Variants in FER observed in about 807,000 individuals in gnomAD.
The protein encoded by FER is FER tyrosine kinase.
FER carries 63 observed loss-of-function variants against 111.0 expected under a neutral mutation model. The ratio of observed to expected loss-of-function variants is 0.57; its 90% confidence interval spans 0.46 to 0.70. The LOEUF is 0.70. Ranked by LOEUF, FER falls within the 30% of genes least tolerant of loss-of-function variation. The pLI, the probability that FER is intolerant of heterozygous loss-of-function variation, is 0.00. For synonymous variants in FER, 327 were observed against 313.9 expected (o/e 1.04, Z -0.44); for missense variants, 914 against 954.0 (o/e 0.96, Z 0.55).
chr5:108,845,802 C>T (rs1761973707), intron 5 of FER, among the ~76,000 whole-genome samples: 1 of 152,162 alleles, frequency 6.6e-6, no homozygotes, highest in African/African-American at 2.4e-5. Context: ...TAATTTTTCT[C>T]TATTCCTGTG....
chr5:109,017,653 G>T (rs1767344714), intron 13 of FER, among the ~76,000 whole-genome samples: 1 of 151,774 alleles, frequency 6.6e-6, no homozygotes, highest in Non-Finnish European at 1.5e-5. Flanking sequence ...CTTTTATTTT[G>T]TTGACTAGTT....
intron 17 of FER, among the ~76,000 whole-genome samples, chr5:109,129,504 A>G (rs1294262398): frequency 1.3e-5 from 2 of 151,976 alleles, no homozygotes; most frequent in African/African-American, 4.8e-5. Context: ...ACTGCTTTCT[A>G]CTTCCATATA....
chr5:108,811,775 T>G (rs140533267), intron 3 of FER, among the ~76,000 whole-genome samples: 12 of 152,032 alleles, frequency 7.9e-5, no homozygotes, highest in Admixed American at 5.9e-4. Context: ...AATCCCAGAG[T>G]AAGAAGGCCC....
At chr5:108,887,037 A>G (rs1747280898) in intron 9 of FER, among the ~76,000 whole-genome samples, 1 of 151,678 alleles carries the variant, frequency 6.6e-6, no homozygotes, top group African/African-American at 2.4e-5. Flanking sequence ...AAATATGCAT[A>G]TATAATTAAA....
In FER at chr5:109,191,815, AT is replaced by A. The variant is rs1301870426; in HGVS notation, c.*4241del. 1 of 152,118 alleles carries A rather than the reference AT, an allele frequency of 6.6e-6. No homozygotes were observed. Among genetic ancestry groups the A allele is most frequent in the Non-Finnish European group, 1.5e-5 (1 of 68,012 alleles). 9.4% of individuals were successfully genotyped at this position (152,118 alleles called of 1,614,324 possible). Reference sequence around the variant, plus strand: ...AGTCTGAATACTATATTTTGGAAGAATCCAAAACCACATATGAAGATACTGA... The same window carrying A: ...AGTCTGAATACTATATTTTGGAAGAACCAAAACCACATATGAAGATACTGA... On this transcript the variant is annotated 3_prime_UTR_variant, in exon 20 of 20. Coordinates refer to ENST00000281092, the MANE Select transcript of FER (RefSeq NM_005246.4).
chr5:109,048,161 C>CAAAA (rs1772268006), intron 16 of FER, among the ~76,000 whole-genome samples: 1 of 151,900 alleles, frequency 6.6e-6, no homozygotes, highest in East Asian at 1.9e-4. Context: ...GTAGACTGCT[C>CAAAA]ATTAATTTCT....
intron 17 of FER, among the ~76,000 whole-genome samples, chr5:109,161,692 C>T (rs531654055): frequency 6.6e-6 from 1 of 152,124 alleles, no homozygotes; most frequent in Non-Finnish European, 1.5e-5. Context: ...AATAGTGAGG[C>T]AGTGAATATA....
chr5:109,164,333 A>G lies in FER; in HGVS notation c.2049-16414A>G, dbSNP rs569240642. Among the ~76,000 whole-genome samples the G allele has an allele frequency of 3.9e-5, 6 of 152,304 alleles. No homozygotes were observed. The South Asian group carries it at 6.2e-4, about 16-fold the overall frequency. ...TGAATGACCCTGTCTTCCATTAGTG[A>G]TAGTATTAAGATAGTCCAAGGTGGC... On this transcript the variant is annotated intron_variant, in intron 17 of 19. Transcript: ENST00000281092.
At chr5:108,919,982 G>T (rs1434710819) in intron 10 of FER, among the ~76,000 whole-genome samples, 1 of 152,070 alleles carries the variant, frequency 6.6e-6, no homozygotes, top group Admixed American at 6.5e-5. Flanking sequence ...TTAGTACAGT[G>T]CCTGGTATAT....
At chr5:109,032,109 G>T (rs765609782) in intron 13 of FER, among the ~76,000 whole-genome samples, 2 of 152,044 alleles carry the variant, frequency 1.3e-5, no homozygotes, top group Non-Finnish European at 2.9e-5. Context: ...CTCTACCAGC[G>T]TAGTTAATAC....
chr5:109,120,947 A>G (rs1330692666), intron 17 of FER, among the ~76,000 whole-genome samples: 1 of 152,016 alleles, frequency 6.6e-6, no homozygotes, highest in Admixed American at 6.6e-5. Flanking sequence ...TTGATTTTGT[A>G]TCCCATAACT....
chr5:108,879,370 A>G (rs1424423740), intron 8 of FER, among the ~76,000 whole-genome samples: 1 of 151,922 alleles, frequency 6.6e-6, no homozygotes, highest in African/African-American at 2.4e-5. Context: ...TGCATTAACT[A>G]TATATCCTAA....
At chr5:108,884,041 T>C (rs1765934187) in intron 9 of FER, among the ~76,000 whole-genome samples, 1 of 152,056 alleles carries the variant, frequency 6.6e-6, no homozygotes, top group South Asian at 2.1e-4. Flanking sequence ...TGGTATACTC[T>C]TCTTTTACTG....
chr5:108,763,701 C>G (rs1160671120), intron 1 of FER, among the ~76,000 whole-genome samples: 3 of 152,124 alleles, frequency 2.0e-5, no homozygotes, highest in Admixed American at 6.6e-5. Context: ...GTCTGTTATG[C>G]AAATATCCAT....
In FER at chr5:109,192,762, A is replaced by G. The variant is rs1189288930; in HGVS notation, c.*5187A>G. 1 of 152,154 alleles carries G rather than the reference A, an allele frequency of 6.6e-6. No homozygotes were observed. Among genetic ancestry groups the G allele is most frequent in the Non-Finnish European group, 1.5e-5 (1 of 68,026 alleles). The allele number at this position is 152,154 out of a possible 1,614,324, so 9.4% of individuals were successfully genotyped here. ...CTAACGTTGACTAAATGGCTCCTAGAGTTACCCACAGAGGGAGCTTACTAT... is the reference window on the plus strand; with the variant it reads ...CTAACGTTGACTAAATGGCTCCTAGGGTTACCCACAGAGGGAGCTTACTAT... On this transcript the variant is annotated 3_prime_UTR_variant, in exon 20 of 20. Transcript: ENST00000281092.
chr5:109,149,370 C>T (rs944352784), intron 17 of FER, among the ~76,000 whole-genome samples: 17 of 152,130 alleles, frequency 1.1e-4, no homozygotes, highest in African/African-American at 3.6e-4. Flanking sequence ...CTTCTCTGAG[C>T]GCCTACAGTC....
intron 16 of FER, among the ~76,000 whole-genome samples, chr5:109,086,226 A>T (rs1372113670): frequency 1.3e-5 from 2 of 151,682 alleles, no homozygotes; most frequent in Non-Finnish European, 3.0e-5. Context: ...TGGGCTATTT[A>T]AATTTTTTTA....
chr5:109,048,822 C>T (rs1303411866), intron 16 of FER, among the ~76,000 whole-genome samples: 1 of 114,160 alleles, frequency 8.8e-6, no homozygotes, highest in Non-Finnish European at 1.7e-5. Flanking sequence ...TATACTCCAC[C>T]ACTGTTTCAG....
chr5:108,883,584 T>A (rs1765889083), intron 9 of FER, 66 bp downstream of exon 9: 4 of 1,376,200 alleles, frequency 2.9e-6, no homozygotes, highest in Non-Finnish European at 3.9e-6. Context: ...ATATTTTAGT[T>A]ACATGGCAGT....
Sources: allele counts gnomAD v4.1 joint callset (sites outside exome capture counted in the v4.1 genomes callset), GRCh38; gene constraint gnomAD v4.1.1; transcripts MANE v1.5; gene names NCBI Gene and HGNC (gene_info 2026-07-23, HGNC 2026-07-21).